Variants in GPX5 observed in about 807,000 individuals in gnomAD.
The protein encoded by GPX5 is glutathione peroxidase 5, also known as epididymal secretory glutathione peroxidase.
Under a neutral mutation model 23.8 loss-of-function variants are expected in GPX5, and 20 were observed. The ratio of observed to expected loss-of-function variants is 0.84; its 90% CI spans 0.59 to 1.22. The LOEUF (loss-of-function observed/expected upper bound fraction) is 1.22, where lower values mean the gene tolerates loss of function less well. Ranked by LOEUF, GPX5 falls within the 50% of genes most tolerant of loss-of-function variation. GPX5 has a pLI of 0.00. For missense variants in GPX5, 230 were observed against 266.6 expected, an observed-to-expected ratio of 0.86 and a Z score of 0.96; for synonymous variants, 92 against 99.5, an observed-to-expected ratio of 0.92 and a Z score of 0.45.
At position 28,529,536 on chromosome 6, in the gene GPX5, A is replaced by G. The variant is rs903040585; in HGVS notation, c.173A>G (p.Gln58Arg). ...LNKNEYVSFK[Q>R]YVGKHILFVN... is the part of the protein sequence containing the mutation. ...AAGAATGAATATGTTTCCTTCAAGC[A>G]GTATGTGGGCAAGCACATCCTCTTC... Residue 58 changes from glutamine to arginine, a missense_variant, in exon 2 of 5, where the codon CAG becomes CGG. By Grantham distance (43) the Gln-to-Arg change is conservative (BLOSUM62 1). Coordinates refer to ENST00000412168, the MANE Select transcript of GPX5 (RefSeq NM_001509.3). 6.2e-7 allele frequency: 1 copy of G among 1,613,606 alleles called. No individual in the cohort carries two copies. Among genetic ancestry groups the G allele is most frequent in the Non-Finnish European group, 8.5e-7 (1 of 1,179,596 alleles).
Position 28,526,031 on chromosome 6 carries a change from G to T in GPX5, c.18G>T (p.Arg6Ser), listed in dbSNP as rs143719221. The T allele has an allele frequency of 4.3e-5, 70 of 1,612,590 alleles. No homozygotes were observed. The highest frequency in any genetic ancestry group is 5.8e-5 in the Non-Finnish European group (69 of 1,179,794). The change falls in exon 1 of 5, where the codon AGG becomes AGT. Residue 6 changes from arginine (R) to serine (S), a missense_variant. By Grantham distance (110) the Arg-to-Ser change is moderately radical (BLOSUM62 -1). Transcript: ENST00000412168. MTTQL[R>S]VVHLLPLLLA... The stretch of plus-strand genomic sequence containing the variant: ...CACTAGTCATGACTACACAGTTAAG[G>T]GTCGTCCATCTGCTTCCCCTTCTCC...
rs375602483 is a variant in GPX5, at chr6:28,531,900, G to T, written c.359+5G>T. ...AGAGATTCTTCCTGGGCTCAAGTAC[G>T]TGTCTTCTTGAAATCCAATAGGAGG... On this transcript the variant is annotated splice_donor_5th_base_variant and intron_variant, in intron 3 of 4. Transcript: ENST00000412168. 3.1e-5 allele frequency: 49 copies of T among 1,591,254 alleles called. No homozygotes were observed. The African/African-American group carries it at 5.8e-4, about 19-fold the overall frequency.
chr6:28,532,173 C>G (rs1763337771), intron 3 of GPX5, 148 bp from the exon 4 acceptor site: 1 of 632,972 alleles, frequency 1.6e-6, no homozygotes, highest in Non-Finnish European at 2.8e-6. Context: ...GTCAGAGAGC[C>G]CAAAGTCAAA....
At chr6:28,533,905 TG>T in intron 4 of GPX5, 55 bp from the exon 5 acceptor site, 2 of 1,223,102 alleles carry the variant, frequency 1.6e-6, no homozygotes, top group Non-Finnish European at 2.2e-6. Flanking sequence ...AAAAATAGCC[TG>T]GATCATCCAG....
At position 28,526,008 on chromosome 6, in the gene GPX5, C is replaced by T. The variant is rs1325139495; in HGVS notation, c.-6C>T. 1 of 1,607,920 alleles carries T rather than the reference C, an allele frequency of 6.2e-7. No individual in the cohort carries two copies. Among genetic ancestry groups the T allele is most frequent in the Admixed American group, 1.7e-5 (1 of 60,020 alleles). ...CCCCCAGACTAGCAATCTACAAACA[C>T]TAGTCATGACTACACAGTTAAGGGT... On this transcript the variant is annotated 5_prime_UTR_variant, in exon 1 of 5. Coordinates refer to ENST00000412168, the MANE Select transcript of GPX5 (RefSeq NM_001509.3).
intron 4 of GPX5, among the ~76,000 whole-genome samples, 192 bp from the exon 5 acceptor site, chr6:28,533,769 T>G (rs2113637844): frequency 6.6e-6 from 1 of 152,272 alleles, no homozygotes; most frequent in Non-Finnish European, 1.5e-5. Flanking sequence ...GAGAGCAGAT[T>G]TTGCTATAAT....
Position 28,534,370 on chromosome 6 carries a change from C to A in GPX5, c.*203C>A. Reference sequence around the variant, plus strand: ...TATTTGGAAGGCTACTGCTCTTTTGCCTCTCAAGAGTATGTGGGTGAAGAC... The same window carrying A: ...TATTTGGAAGGCTACTGCTCTTTTGACTCTCAAGAGTATGTGGGTGAAGAC... On this transcript the variant is annotated 3_prime_UTR_variant, in exon 5 of 5. Coordinates refer to ENST00000412168, the MANE Select transcript of GPX5 (RefSeq NM_001509.3). 1 of 450,336 alleles carries A rather than the reference C, an allele frequency of 2.2e-6. No individual in the cohort carries two copies. The highest frequency in any genetic ancestry group is 3.9e-6 in the Non-Finnish European group (1 of 257,562). The allele number at this position is 450,336 out of a possible 1,614,324, so 27.9% of individuals were successfully genotyped here. A position where few individuals can be genotyped will look rare whatever the true frequency, so the allele number is the denominator to read the frequency against.
At position 28,531,939 on chromosome 6, in the gene GPX5, T is replaced by TTCCTCAGGGCC. The variant is rs750931146; in HGVS notation, c.359+51_359+52insGGCCTCCTCAG. 4.0e-5 allele frequency: 54 copies of TTCCTCAGGGCC among 1,347,888 alleles called. 1 individual carries two copies. The South Asian group carries it at 6.2e-4, about 15-fold the overall frequency. The allele number at this position is 1,347,888 out of a possible 1,614,324, so 83.5% of individuals were successfully genotyped here. On this transcript the variant is annotated intron_variant, in intron 3 of 4. Coordinates refer to ENST00000412168, the MANE Select transcript of GPX5 (RefSeq NM_001509.3). ...TCCAATAGGAGGCGCCTGTGTACCT[T>TTCCTCAGGGCC]TCCTCAGTCTCCAGAGGCCCTTCCA...
Position 28,529,605 on chromosome 6 carries a change from G to T in GPX5, c.241+1G>T. Reference sequence around the variant, plus strand: ...TGTGGTCTGACAGCGCAATATCCTGGTAAGAGAATTCATAGTTACTTCTCT... The same window carrying T: ...TGTGGTCTGACAGCGCAATATCCTGTTAAGAGAATTCATAGTTACTTCTCT... On this transcript the variant is annotated splice_donor_variant, in intron 2 of 4. Transcript: ENST00000412168. LOFTEE classifies it high-confidence loss of function. 6.3e-7 allele frequency: 1 copy of T among 1,595,286 alleles called. No individual in the cohort carries two copies. Among genetic ancestry groups the T allele is most frequent in the Non-Finnish European group, 8.5e-7 (1 of 1,169,950 alleles).
Position 28,534,221 on chromosome 6 carries a change from TCCCCACCCCTC to T in GPX5, c.*56_*66del. The T allele has an allele frequency of 7.9e-7, 1 of 1,273,880 alleles. No homozygotes were observed. Among genetic ancestry groups the T allele is most frequent in the African/African-American group, 1.5e-5 (1 of 66,526 alleles). The allele number at this position is 1,273,880 out of a possible 1,614,324, so 78.9% of individuals were successfully genotyped here. On this transcript the variant is annotated 3_prime_UTR_variant, in exon 5 of 5. Transcript: ENST00000412168. Reference sequence around the variant, plus strand: ...CTACTTCTCACCTAATGACTTGCTCTCCCCACCCCTCCAAAAAAAAGGAATACCCATCTTCT... The same window carrying T: ...CTACTTCTCACCTAATGACTTGCTCTCAAAAAAAAGGAATACCCATCTTCT...
intron 2 of GPX5, among the ~76,000 whole-genome samples, chr6:28,531,429 G>T (rs904701998): frequency 7.3e-6 from 1 of 137,240 alleles, no homozygotes; most frequent in Non-Finnish European, 1.6e-5. Context: ...GAAAAGAAAA[G>T]TCACCTGTTG....
At chr6:28,530,607 A>AT (rs1236858819) in intron 2 of GPX5, among the ~76,000 whole-genome samples, 6 of 152,198 alleles carry the variant, frequency 3.9e-5, no homozygotes, top group African/African-American at 1.4e-4. Flanking sequence ...TGCTGCCTTG[A>AT]TTTTTTAATT....
chr6:28,530,144 A>G (rs994604262), intron 2 of GPX5: 3 of 152,220 alleles, frequency 2.0e-5, no homozygotes, highest in African/African-American at 7.2e-5. Flanking sequence ...CAATGACAAG[A>G]AAAAGGAGTT....
rs1167813989 is a variant in GPX5, at chr6:28,534,118, C to T, written c.617C>T (p.Ser206Leu). 5 of 1,608,160 alleles carry T rather than the reference C, an allele frequency of 3.1e-6. No individual in the cohort carries two copies. Among genetic ancestry groups the T allele is most frequent in the African/African-American group, 1.3e-5 (1 of 74,728 alleles). Residue 206 changes from serine (S) to leucine (L), a missense_variant, in exon 5 of 5, where the codon TCA (serine) becomes TTA (leucine). Coordinates refer to ENST00000412168, the MANE Select transcript of GPX5 (RefSeq NM_001509.3). ...TGGTCCCACCGGGCTACGGTCAGCT[C>T]AGTCAAGACAGACATCCTGGCGTAC... ...MRWSHRATVS[S>L]VKTDILAYLK...
rs769317210 is a variant in GPX5, at chr6:28,526,042, T to A, written c.29T>A (p.Leu10Gln). The change falls in exon 1 of 5, where the codon CTG becomes CAG. Residue 10 changes from leucine (L) to glutamine (Q), a missense_variant. Leu to Gln is a moderately radical substitution (Grantham distance 113). Transcript: ENST00000412168. Reference sequence around the variant, plus strand: ...ACTACACAGTTAAGGGTCGTCCATCTGCTTCCCCTTCTCCTAGCCTGCTTT... The same window carrying A: ...ACTACACAGTTAAGGGTCGTCCATCAGCTTCCCCTTCTCCTAGCCTGCTTT... MTTQLRVVH[L>Q]LPLLLACFVQ... The A allele has an allele frequency of 6.2e-7, 1 of 1,613,036 alleles. No individual in the cohort carries two copies. Among genetic ancestry groups the A allele is most frequent in the South Asian group, 1.1e-5 (1 of 91,034 alleles).
chr6:28,530,366 G>A (rs1763290022), intron 2 of GPX5, among the ~76,000 whole-genome samples: 1 of 152,068 alleles, frequency 6.6e-6, no homozygotes, highest in Admixed American at 6.6e-5. Flanking sequence ...AGAGACAAAT[G>A]TACTTCTTAT....
At chr6:28,526,762 A>G (rs1763217163) in intron 1 of GPX5, among the ~76,000 whole-genome samples, 1 of 152,192 alleles carries the variant, frequency 6.6e-6, no homozygotes, top group Admixed American at 6.5e-5. Context: ...GCAGAAAATA[A>G]TCATGAAGTT....
chr6:28,532,205 C>A (rs1763338367), intron 3 of GPX5, 116 bp from the exon 4 acceptor site: 2 of 695,050 alleles, frequency 2.9e-6, no homozygotes, highest in East Asian at 2.7e-5. Context: ...TTCCTCCCCA[C>A]CCACAACGAT....
At chr6:28,531,099 T>C (rs1031593543) in intron 2 of GPX5, among the ~76,000 whole-genome samples, 72 of 151,988 alleles carry the variant, frequency 4.7e-4, no homozygotes, top group African/African-American at 1.6e-3. Context: ...GATTTCTCTG[T>C]TTGTCTTTGC....
Sources: gnomAD v4.1 joint callset for allele counts (sites outside exome capture counted in the v4.1 genomes callset) on GRCh38, gnomAD v4.1.1 for gene constraint, MANE v1.5 for transcripts, NCBI Gene and HGNC (gene_info 2026-07-23, HGNC 2026-07-21) for gene names.